FAM83A: variants seen among roughly 807,000 people sequenced by gnomAD.
FAM83A encodes the protein protein FAM83A.
FAM83A carries 21 observed loss-of-function variants against 24.4 expected under a neutral mutation model. The ratio of observed to expected loss-of-function variants is 0.86; its 90% CI spans 0.61 to 1.24. The LOEUF is 1.24. Ranked by LOEUF, FAM83A falls within the 50% of genes most tolerant of loss-of-function variation. The pLI is 0.00. For missense variants in FAM83A, 617 were observed against 579.8 expected, an observed-to-expected ratio of 1.06 and a Z score of -0.66; for synonymous variants, 270 against 252.4, an observed-to-expected ratio of 1.07 and a Z score of -0.66.
chr8:123,186,180 G>T (rs1823786716), intron 1 of FAM83A, among the ~76,000 whole-genome samples: 1 of 152,106 alleles, frequency 6.6e-6, no homozygotes. Context: ...AGAGTGGAAG[G>T]AAGGGTTTGT....
At chr8:123,206,107 C>T (rs1448187133) in intron 3 of FAM83A, among the ~76,000 whole-genome samples, 1 of 150,366 alleles carries the variant, frequency 6.7e-6, no homozygotes, top group Non-Finnish European at 1.5e-5. Flanking sequence ...CGCACCATTG[C>T]ACTCCAGCCT....
chr8:123,208,687 T>C, exon 4 of FAM83A: 1 of 985,404 alleles, frequency 1.0e-6, no homozygotes, highest in Non-Finnish European at 1.2e-6. Context: ...CAAAGAAATA[T>C]AGGATGCTTA....
At chr8:123,205,248 G>GTCTTTGGACTTGT (rs1417908929) in intron 3 of FAM83A, among the ~76,000 whole-genome samples, 3 of 152,366 alleles carry the variant, frequency 2.0e-5, no homozygotes, top group South Asian at 4.1e-4. Flanking sequence ...TTGCCAGGAA[G>GTCTTTGGACTTGT]TCTTTGGACT....
At chr8:123,198,232 T>C (rs756707003) in intron 3 of FAM83A, among the ~76,000 whole-genome samples, 7 of 152,164 alleles carry the variant, frequency 4.6e-5, no homozygotes, top group Non-Finnish European at 1.0e-4. Flanking sequence ...TTATCTATAA[T>C]GTCCTGCCCC....
At chr8:123,191,864 C>A (rs979408962) in exon 2 of FAM83A, 8 of 1,613,964 alleles carry the variant, frequency 5.0e-6, no homozygotes, top group Non-Finnish European at 6.8e-6. Context: ...ATTCTAGAGG[C>A]AGCCAACAAG....
At chr8:123,179,711 G>A (rs1478278049), upstream of FAM83A, 1 of 152,158 alleles carries the variant, frequency 6.6e-6, no homozygotes, top group Non-Finnish European at 1.5e-5. Flanking sequence ...CAGAAGCAGG[G>A]CTCTAGAGGG....
At chr8:123,191,484 G>T (rs1823972817) in intron 1 of FAM83A, among the ~76,000 whole-genome samples, 2 of 152,112 alleles carry the variant, frequency 1.3e-5, no homozygotes, top group African/African-American at 4.8e-5. Flanking sequence ...GCTTCTTCTT[G>T]TTCTTCTCTG....
chr8:123,191,082 T>C (rs527361416), intron 1 of FAM83A, among the ~76,000 whole-genome samples: 1 of 152,280 alleles, frequency 6.6e-6, no homozygotes, highest in East Asian at 1.9e-4. Flanking sequence ...AGAATGGCAA[T>C]AGACCCTTCC....
chr8:123,194,570 G>A (rs1027008259), intron 3 of FAM83A, among the ~76,000 whole-genome samples: 2 of 148,100 alleles, frequency 1.4e-5, no homozygotes, highest in African/African-American at 5.0e-5. Flanking sequence ...TGCAACCTCC[G>A]CCTCCAGGAT....
upstream of FAM83A, chr8:123,182,258 C>T (rs930214705): frequency 1.5e-5 from 6 of 387,938 alleles, no homozygotes; most frequent in Admixed American, 2.7e-5. Flanking sequence ...AGAGGAGGCG[C>T]GCCTGGTCAA....
At chr8:123,190,177 AAG>A (rs949707268) in intron 1 of FAM83A, among the ~76,000 whole-genome samples, 1 of 152,194 alleles carries the variant, frequency 6.6e-6, no homozygotes, top group African/African-American at 2.4e-5. Context: ...AAAAAAATGA[AAG>A]AGAGAGAGGA....
At chr8:123,193,109 A>G (rs895060897) in intron 2 of FAM83A, among the ~76,000 whole-genome samples, 4 of 152,130 alleles carry the variant, frequency 2.6e-5, no homozygotes, top group African/African-American at 7.2e-5. Flanking sequence ...CCACTCTTCC[A>G]TTTCTCCAGC....
chr8:123,185,056 A>G (rs1390692889), intron 1 of FAM83A, among the ~76,000 whole-genome samples: 1 of 152,178 alleles, frequency 6.6e-6, no homozygotes, highest in African/African-American at 2.4e-5. Context: ...ATTGGCTTTT[A>G]GTGTGGCTGG....
At chr8:123,207,661 C>G (rs1383792154) in exon 4 of FAM83A, 1 of 1,529,408 alleles carries the variant, frequency 6.5e-7, no homozygotes, top group South Asian at 1.2e-5. Context: ...CCTGGAGGCC[C>G]TTCCTGCAGG....
At chr8:123,195,770 G>A (rs1824129725) in intron 3 of FAM83A, among the ~76,000 whole-genome samples, 1 of 152,132 alleles carries the variant, frequency 6.6e-6, no homozygotes, top group Non-Finnish European at 1.5e-5. Flanking sequence ...AGGTGAGGGA[G>A]CTCACTGGGG....
At chr8:123,207,107 C>T in intron 3 of FAM83A, 50 bp from the exon 4 acceptor site, 1 of 1,228,056 alleles carries the variant, frequency 8.1e-7, no homozygotes, top group South Asian at 2.0e-5. Flanking sequence ...ACTTCCCCTC[C>T]CCATCCTTCC....
At chr8:123,185,153 C>T (rs922932541) in intron 1 of FAM83A, among the ~76,000 whole-genome samples, 1 of 152,190 alleles carries the variant, frequency 6.6e-6, no homozygotes, top group Non-Finnish European at 1.5e-5. Context: ...CCCACGCTGC[C>T]TTTGTGGCCC....
In FAM83A at chr8:123,189,496, T is replaced by G. The variant is rs145296489; in HGVS notation, c.481-2307T>G. ...ATTCCCTGTGAAAGGAAAGTATCTT[T>G]GGCCCCCAAAATCACTAAGGAAAAC... On this transcript the variant is annotated intron_variant, in intron 1 of 3. Transcript: ENST00000690554. Among the ~76,000 whole-genome samples the G allele has an allele frequency of 2.2e-3, 333 of 152,336 alleles. 2 individuals carry two copies. Among genetic ancestry groups the G allele is most frequent in the African/African-American group, 7.7e-3 (318 of 41,566 alleles).
rs147139968 is a variant in FAM83A, at chr8:123,206,572, T to C, written c.774-585T>C. On this transcript the variant is annotated intron_variant, in intron 3 of 3. Coordinates refer to ENST00000690554, the Ensembl canonical transcript of FAM83A. ...GGGTGACTACCCTAAGCGCAGACTC[T>C]GGGGGCCTGAGACTCAGCTCCCTTC... Among the ~76,000 whole-genome samples, 876 of 152,260 alleles carry C rather than the reference T, an allele frequency of 5.8e-3. 10 individuals are homozygous for C. Among genetic ancestry groups the C allele is most frequent in the African/African-American group, 0.02 (832 of 41,552 alleles).
Sources: allele counts gnomAD v4.1 joint callset (sites outside exome capture counted in the v4.1 genomes callset), GRCh38; gene constraint gnomAD v4.1.1; transcripts MANE v1.5; gene names NCBI Gene and HGNC (gene_info 2026-07-23, HGNC 2026-07-21).